PDGFD: variants seen among roughly 807,000 people sequenced by gnomAD.
The protein encoded by PDGFD is platelet-derived growth factor D.
Under a neutral mutation model 44.7 loss-of-function variants are expected in PDGFD, and 30 were observed. The observed-to-expected ratio is 0.67, with a 90% CI of 0.50 to 0.91. The LOEUF (loss-of-function observed/expected upper bound fraction) is 0.91. Among genes scored for constraint, PDGFD ranks in the 40% least tolerant of loss-of-function variants. PDGFD has a pLI of 0.00. For synonymous variants in PDGFD, 173 were observed against 168.4 expected, an observed-to-expected ratio of 1.03 and a Z score of -0.21; for missense variants, 445 against 457.8, an observed-to-expected ratio of 0.97 and a Z score of 0.25.
intron 1 of PDGFD, among the ~76,000 whole-genome samples, chr11:104,128,208 G>A (rs1161587939): frequency 6.8e-6 from 1 of 148,058 alleles, no homozygotes; most frequent in Non-Finnish European, 1.5e-5. Context: ...CATTACCTGT[G>A]CCCATTGAAA....
intron 1 of PDGFD, among the ~76,000 whole-genome samples, chr11:104,001,508 G>A (rs1591115634): frequency 1.3e-5 from 2 of 152,314 alleles, no homozygotes; most frequent in Middle Eastern, 3.4e-3. Context: ...AAGTGCAAGT[G>A]AGCTGGGGTC....
At chr11:103,941,276 C>A (rs1220783105) in intron 5 of PDGFD, among the ~76,000 whole-genome samples, 1 of 151,964 alleles carries the variant, frequency 6.6e-6, no homozygotes, top group African/African-American at 2.4e-5. Context: ...GAGTGGAGAA[C>A]CATAGGAGGT....
intron 1 of PDGFD, among the ~76,000 whole-genome samples, chr11:104,061,764 T>A (rs905831863): frequency 7.9e-5 from 12 of 152,140 alleles, no homozygotes; most frequent in Non-Finnish European, 1.8e-4. Flanking sequence ...CATGCCACCA[T>A]GCCTGACTAA....
chr11:104,040,429 T>A (rs1860329016), intron 1 of PDGFD, among the ~76,000 whole-genome samples: 1 of 152,080 alleles, frequency 6.6e-6, no homozygotes, highest in Non-Finnish European at 1.5e-5. Flanking sequence ...GTCTTTCAAA[T>A]TGAAAAGTGT....
Position 104,154,485 on chromosome 11 carries a change from G to A in PDGFD, c.124+9319C>T, listed in dbSNP as rs142323789. ...AAATCACAGTGACTTCACCCAGAGCGTTTCCGTGGAGCAGTGGGGATGATT... is the reference window on the plus strand; with the variant it reads ...AAATCACAGTGACTTCACCCAGAGCATTTCCGTGGAGCAGTGGGGATGATT... On this transcript the variant is annotated intron_variant, in intron 1 of 6. Transcript: ENST00000393158. Among the ~76,000 whole-genome samples, 293 of 152,254 alleles carry A rather than the reference G, an allele frequency of 1.9e-3. 4 individuals are homozygous for A. Among genetic ancestry groups the A allele is most frequent in the African/African-American group, 6.5e-3 (271 of 41,568 alleles).
intron 3 of PDGFD, among the ~76,000 whole-genome samples, chr11:103,980,050 C>T (rs560488181): frequency 1.3e-4 from 20 of 152,182 alleles, no homozygotes; most frequent in Non-Finnish European, 2.4e-4. Context: ...TTAAAATCCA[C>T]TTCCCTATCT....
chr11:104,116,617 T>C (rs774475091), intron 1 of PDGFD, among the ~76,000 whole-genome samples: 6 of 152,012 alleles, frequency 3.9e-5, no homozygotes, highest in Non-Finnish European at 7.4e-5. Context: ...CTGATGAACA[T>C]AGATGCAAAA....
chr11:104,050,071 C>A (rs2134405637), intron 1 of PDGFD, among the ~76,000 whole-genome samples: 1 of 152,216 alleles, frequency 6.6e-6, no homozygotes, highest in South Asian at 2.1e-4. Context: ...ATGGGTAGTT[C>A]AGTATGGGTT....
intron 6 of PDGFD, among the ~76,000 whole-genome samples, chr11:103,912,680 C>G (rs1009992136): frequency 2.0e-5 from 3 of 152,038 alleles, no homozygotes; most frequent in Non-Finnish European, 4.4e-5. Context: ...AAGACACAGA[C>G]TGGCAAATTG....
intron 3 of PDGFD, among the ~76,000 whole-genome samples, chr11:103,965,696 A>C (rs967829627): frequency 6.6e-6 from 1 of 152,186 alleles, no homozygotes; most frequent in African/African-American, 2.4e-5. Flanking sequence ...TCACATTCAC[A>C]TACTGACCAT....
intron 1 of PDGFD, among the ~76,000 whole-genome samples, chr11:104,134,645 T>C (rs182883340): frequency 6.6e-6 from 1 of 152,314 alleles, no homozygotes; most frequent in East Asian, 1.9e-4. Flanking sequence ...TCTGAGATCC[T>C]ACACACACTG....
At chr11:104,069,635 C>A (rs928272519) in intron 1 of PDGFD, among the ~76,000 whole-genome samples, 1 of 152,136 alleles carries the variant, frequency 6.6e-6, no homozygotes, top group Non-Finnish European at 1.5e-5. Context: ...TCGAGGCCAG[C>A]GGATCACGAG....
chr11:104,013,921 G>GT, intron 1 of PDGFD, among the ~76,000 whole-genome samples: 1 of 152,072 alleles, frequency 6.6e-6, no homozygotes, highest in South Asian at 2.1e-4. Context: ...ATACATTTGA[G>GT]TAAGTGGTCT....
chr11:104,088,911 C>A (rs1292827642), intron 1 of PDGFD, among the ~76,000 whole-genome samples: 1 of 103,774 alleles, frequency 9.6e-6, no homozygotes, highest in Non-Finnish European at 1.9e-5. Context: ...GCATGAACAA[C>A]AAAGTGGGAT....
At chr11:104,096,305 T>G (rs546666609) in intron 1 of PDGFD, among the ~76,000 whole-genome samples, 57 of 152,216 alleles carry the variant, frequency 3.7e-4, no homozygotes, top group African/African-American at 1.3e-3. Context: ...TAACAATTAT[T>G]TAGGTATTGT....
intron 3 of PDGFD, among the ~76,000 whole-genome samples, chr11:103,956,166 C>G (rs1858842669): frequency 6.6e-6 from 1 of 150,590 alleles, no homozygotes. Context: ...CACCCATTAA[C>G]TCGTCATTTA....
At chr11:103,951,483 T>C (rs994408932) in intron 3 of PDGFD, among the ~76,000 whole-genome samples, 2 of 152,190 alleles carry the variant, frequency 1.3e-5, no homozygotes, top group Non-Finnish European at 1.5e-5. Flanking sequence ...AACCTTCCAA[T>C]AGCTTTCCAT....
chr11:104,120,645 G>T (rs1861765304), intron 1 of PDGFD, among the ~76,000 whole-genome samples: 1 of 151,724 alleles, frequency 6.6e-6, no homozygotes, highest in African/African-American at 2.4e-5. Flanking sequence ...TCTCCATATG[G>T]CACAATATCT....
intron 1 of PDGFD, among the ~76,000 whole-genome samples, chr11:104,045,426 G>A (rs543850947): frequency 1.3e-5 from 2 of 152,064 alleles, no homozygotes; most frequent in East Asian, 3.9e-4. Context: ...AGCTGAAATT[G>A]ATCAAACTGC....
Sources: gnomAD v4.1 joint callset for allele counts (sites outside exome capture counted in the v4.1 genomes callset) on GRCh38, gnomAD v4.1.1 for gene constraint, MANE v1.5 for transcripts, NCBI Gene and HGNC (gene_info 2026-07-23, HGNC 2026-07-21) for gene names.